Variants in SEC24B observed in about 807,000 individuals in gnomAD.
SEC24B encodes the protein protein transport protein Sec24B.
Under a neutral mutation model 142.8 loss-of-function variants are expected in SEC24B, and 45 were observed. That is an observed-to-expected ratio of 0.32 (90% confidence interval 0.25 to 0.40). SEC24B has a LOEUF of 0.40. Among genes scored for constraint, SEC24B ranks in the 10% least tolerant of loss-of-function variants. The pLI is 1.00. For missense variants in SEC24B, 1,409 were observed against 1,526.8 expected (o/e 0.92, Z 1.29); for synonymous variants, 574 against 568.2 (o/e 1.01, Z -0.15).
chr4:109,494,518 A>T, intron 5 of SEC24B, 97 bp from the exon 6 acceptor site: 2 of 1,496,276 alleles, frequency 1.3e-6, no homozygotes, highest in Non-Finnish European at 1.8e-6. Flanking sequence ...TTTAAAAAGT[A>T]AAAAGGAAAT....
intron 3 of SEC24B, among the ~76,000 whole-genome samples, chr4:109,480,690 A>G (rs931916727): frequency 2.0e-5 from 3 of 152,078 alleles, no homozygotes; most frequent in Non-Finnish European, 4.4e-5. Context: ...CATGTTGGCC[A>G]GGATGGTCTC....
At chr4:109,446,498 T>C (rs1729476232) in intron 1 of SEC24B, among the ~76,000 whole-genome samples, 2 of 152,186 alleles carry the variant, frequency 1.3e-5, no homozygotes, top group African/African-American at 4.8e-5. Flanking sequence ...AATAAATTTG[T>C]GTTGTTGTAA....
At chr4:109,484,535 GAAA>G (rs1046049208) in intron 4 of SEC24B, among the ~76,000 whole-genome samples, 10 of 151,594 alleles carry the variant, frequency 6.6e-5, no homozygotes, top group African/African-American at 2.2e-4. Context: ...TCCAAAAAAA[GAAA>G]AAAAAGAGAG....
At chr4:109,505,354 GA>G (rs1736570576) in intron 6 of SEC24B, among the ~76,000 whole-genome samples, 1 of 151,930 alleles carries the variant, frequency 6.6e-6, no homozygotes, top group Non-Finnish European at 1.5e-5. Flanking sequence ...AAAGAACTAT[GA>G]AAAATTTAAT....
chr4:109,462,712 A>C lies in SEC24B; in HGVS notation c.134-189A>C, dbSNP rs554245620. Among the ~76,000 whole-genome samples, 3 of 152,304 alleles carry C rather than the reference A, an allele frequency of 2.0e-5. No homozygotes were observed. The East Asian group carries it at 5.8e-4, about 29-fold the overall frequency. On this transcript the variant is annotated intron_variant, in intron 1 of 23. Transcript: ENST00000265175. ...GAGGGAGGACTACAAGGGTGTGAAT[A>C]ACAGGAGGTGGGGATCATTGGGGGC...
At chr4:109,508,574 T>TA (rs1736970491) in intron 7 of SEC24B, among the ~76,000 whole-genome samples, 1 of 151,498 alleles carries the variant, frequency 6.6e-6, no homozygotes, top group Non-Finnish European at 1.5e-5. Flanking sequence ...CTCAAAAAAA[T>TA]AAAAAATTAT....
intron 2 of SEC24B, among the ~76,000 whole-genome samples, chr4:109,471,093 A>G (rs1175448744): frequency 1.6e-5 from 2 of 123,298 alleles, no homozygotes; most frequent in Non-Finnish European, 1.5e-5. Flanking sequence ...ATATACACAT[A>G]CATACATGTG....
rs182955777 is a variant in SEC24B at position 109,491,189 on chromosome 4, G to T, written c.1166-138G>T. On this transcript the variant is annotated intron_variant, in intron 4 of 23. Coordinates refer to ENST00000265175, the MANE Select transcript of SEC24B (RefSeq NM_006323.5). ...TTCATTGGTTTTTAAAATGTCTCTA[G>T]ACATCAATCATTTTACTTTTTTACT... 3.1e-3 allele frequency: 1,859 copies of T among 601,878 alleles called. 10 individuals carry two copies. The highest frequency in any genetic ancestry group is 4.9e-3 in the Non-Finnish European group (1,675 of 338,796). 37.3% of individuals were successfully genotyped at this position (601,878 alleles called of 1,614,324 possible).
At chr4:109,448,692 C>G (rs571471706) in intron 1 of SEC24B, among the ~76,000 whole-genome samples, 1 of 152,280 alleles carries the variant, frequency 6.6e-6, no homozygotes, top group East Asian at 1.9e-4. Context: ...CTCAGCCTCC[C>G]AAAGTGCTGG....
At chr4:109,535,722 G>A (rs976955782) in intron 22 of SEC24B, among the ~76,000 whole-genome samples, 6 of 152,072 alleles carry the variant, frequency 3.9e-5, no homozygotes, top group Admixed American at 6.6e-5. Flanking sequence ...CGTGGTGGCA[G>A]GCGCCTGTAG....
At chr4:109,525,758 A>G (rs1724154113) in intron 16 of SEC24B, among the ~76,000 whole-genome samples, 1 of 152,166 alleles carries the variant, frequency 6.6e-6, no homozygotes, top group Non-Finnish European at 1.5e-5. Flanking sequence ...AAATGATTTT[A>G]GAAGGAGAAT....
At chr4:109,505,226 A>C (rs888507480) in intron 6 of SEC24B, among the ~76,000 whole-genome samples, 3 of 152,098 alleles carry the variant, frequency 2.0e-5, no homozygotes, top group African/African-American at 7.2e-5. Context: ...AAAACAAAAT[A>C]AAATTAAAAA....
intron 9 of SEC24B, among the ~76,000 whole-genome samples, chr4:109,512,485 C>T (rs765539065): frequency 6.6e-6 from 1 of 152,098 alleles, no homozygotes; most frequent in African/African-American, 2.4e-5. Flanking sequence ...TTCATTTCTT[C>T]GGGTTCCCCT....
intron 7 of SEC24B, among the ~76,000 whole-genome samples, chr4:109,508,062 GAGA>G (rs1179736818): frequency 1.3e-5 from 2 of 152,126 alleles, no homozygotes; most frequent in African/African-American, 4.8e-5. Context: ...GAGCTGCTTT[GAGA>G]ATTTCCCCTC....
intron 6 of SEC24B, among the ~76,000 whole-genome samples, chr4:109,495,124 A>G (rs1004403513): frequency 3.3e-5 from 5 of 152,164 alleles, no homozygotes; most frequent in African/African-American, 1.2e-4. Context: ...TGATATCTTT[A>G]TTTTTCAGAG....
chr4:109,462,464 G>C (rs1731361354), intron 1 of SEC24B, among the ~76,000 whole-genome samples: 1 of 152,172 alleles, frequency 6.6e-6, no homozygotes, highest in African/African-American at 2.4e-5. Flanking sequence ...AGTCGTGGTT[G>C]TTGGCAGATC....
At chr4:109,461,484 A>G (rs1731251912) in intron 1 of SEC24B, among the ~76,000 whole-genome samples, 3 of 152,224 alleles carry the variant, frequency 2.0e-5, no homozygotes, top group Non-Finnish European at 4.4e-5. Flanking sequence ...TCTCTACAAT[A>G]AAGTACTATA....
At chr4:109,483,044 G>GTATTTATGTATTTATATATATATGTATT (rs1554001219) in intron 4 of SEC24B, among the ~76,000 whole-genome samples, 8,226 of 101,546 alleles carry the variant, frequency 0.081, 390 homozygotes, top group Middle Eastern at 0.17. Flanking sequence ...TTATATATAT[G>GTATTTATGTATTTATATATATATGTATT]TATTTATGTA....
At chr4:109,436,106 TA>T (rs1332997381) in intron 1 of SEC24B, among the ~76,000 whole-genome samples, 1 of 152,124 alleles carries the variant, frequency 6.6e-6, no homozygotes, top group East Asian at 1.9e-4. Flanking sequence ...AAAGTTATGG[TA>T]AAGTGTAAGA....
Sources: allele counts gnomAD v4.1 joint callset (sites outside exome capture counted in the v4.1 genomes callset), GRCh38; gene constraint gnomAD v4.1.1; transcripts MANE v1.5; gene names NCBI Gene and HGNC (gene_info 2026-07-23, HGNC 2026-07-21).